The following CAMSAP1 variants were observed in gnomAD, a reference collection of about 807,000 sequenced individuals.
The protein encoded by CAMSAP1 is calmodulin-regulated spectrin-associated protein 1.
Under a neutral mutation model 143.5 loss-of-function variants are expected in CAMSAP1, and 58 were observed. The observed-to-expected ratio is 0.40, with a 90% CI of 0.33 to 0.50. CAMSAP1 has a LOEUF of 0.50. Ranked by LOEUF, CAMSAP1 falls within the 20% of genes least tolerant of loss-of-function variation. The pLI, the probability that CAMSAP1 is intolerant of heterozygous loss-of-function variation, is 0.45. For synonymous variants in CAMSAP1, 945 were observed against 859.3 expected, an observed-to-expected ratio of 1.10 and a Z score of -1.74; for missense variants, 1,969 against 2,115.7, an observed-to-expected ratio of 0.93 and a Z score of 1.36.
At position 135,818,386 on chromosome 9, in the gene CAMSAP1, CGT is replaced by C. The variant is rs1204313071; in HGVS notation, c.4168+20_4168+21del. 6.5e-7 allele frequency: 1 copy of C among 1,543,492 alleles called. No individual in the cohort carries two copies. Among genetic ancestry groups the C allele is most frequent in the African/African-American group, 1.4e-5 (1 of 73,558 alleles). ...CGCCCGCGGAAGGAAGCGCTGCCCG[CGT>C]GAGGGCCGGGGCTGCTTACGGGTGG... is the stretch of plus-strand genomic sequence containing the variant. On this transcript the variant is annotated intron_variant, in intron 13 of 16. Transcript: ENST00000389532. This position sits in a 1 kb window ranked among gnomAD's most constrained non-coding sequence, Gnocchi z 7.7.
chr9:135,817,383 CT>C (rs896068252), intron 14 of CAMSAP1, among the ~76,000 whole-genome samples: 14 of 151,108 alleles, frequency 9.3e-5, no homozygotes, highest in African/African-American at 3.2e-4. Context: ...TGGTTTTTTT[CT>C]GTTTATTTTT....
intron 1 of CAMSAP1, among the ~76,000 whole-genome samples, chr9:135,891,455 C>G (rs1418392366): frequency 1.3e-5 from 2 of 152,188 alleles, no homozygotes; most frequent in Non-Finnish European, 1.5e-5. Flanking sequence ...TTGGGCAGGC[C>G]CGGGGCCACA....
chr9:135,822,992 GGTCAGCCTGCTGGGGAACCAC>G lies in CAMSAP1; in HGVS notation c.1648_1668del (p.Val550_Asp556del). ...CGGGGTGAGGCCCTGGGGAACTCCG[GGTCAGCCTGCTGGGGAACCAC>G]GTCTGCTCTAACAATAGCCACAAGC... On this transcript the variant is annotated inframe_deletion, in exon 11 of 17. Transcript: ENST00000389532. This position sits in a 1 kb window ranked among gnomAD's most constrained non-coding sequence, Gnocchi z 6.1. The G allele has an allele frequency of 1.2e-6, 2 of 1,613,992 alleles. No individual in the cohort carries two copies. The highest frequency in any genetic ancestry group is 3.3e-5 in the Admixed American group (2 of 60,028).
chr9:135,907,000 C>G lies in CAMSAP1; in HGVS notation c.160G>C (p.Asp54His). The change falls in exon 1 of 17, where the codon GAT (aspartate) becomes CAT (histidine). Residue 54 changes from aspartate (D) to histidine (H), a missense_variant and splice_region_variant. Transcript: ENST00000389532. ...GCCCCGCGCCCCTCACCCGGCCCAC[C>G]TCGGCCGTAGGCCTTGGCGCAGATC... ...QWICAKAYGR[D>H]NIPEDLRDPF... 9.0e-7 allele frequency: 1 copy of G among 1,106,134 alleles called. No homozygotes were observed. The highest frequency in any genetic ancestry group is 1.1e-6 in the Non-Finnish European group (1 of 904,662). 68.5% of individuals were successfully genotyped at this position (1,106,134 alleles called of 1,614,324 possible). A position where few individuals can be genotyped will look rare whatever the true frequency, so the allele number is the denominator to read the frequency against.
chr9:135,906,966 C>G (rs1235606390), intron 1 of CAMSAP1, 34 bp downstream of exon 1: 1 of 1,030,976 alleles, frequency 9.7e-7, no homozygotes, highest in Non-Finnish European at 1.2e-6. Context: ...GCCCGCGCCC[C>G]TGGCCCCCGC....
At chr9:135,831,508 A>G (rs1370731150) in intron 7 of CAMSAP1, among the ~76,000 whole-genome samples, 1 of 152,034 alleles carries the variant, frequency 6.6e-6, no homozygotes, top group African/African-American at 2.4e-5. Flanking sequence ...TTCTGTAGCA[A>G]TCAACACTTC....
chr9:135,878,393 A>AG (rs58744129), intron 3 of CAMSAP1, among the ~76,000 whole-genome samples: 56,655 of 151,792 alleles, frequency 0.37, 11,903 homozygotes, highest in African/African-American at 0.58. Context: ...CCAAGGAGGG[A>AG]TTACCCAGGT....
intron 1 of CAMSAP1, 32 bp from the exon 2 acceptor site, chr9:135,883,110 C>T: frequency 1.3e-6 from 2 of 1,548,458 alleles, no homozygotes; most frequent in Non-Finnish European, 8.7e-7. Context: ...CAGGTGAGTG[C>T]CACACACAAG....
At chr9:135,836,984 ACAT>A (rs1364840881) in intron 7 of CAMSAP1, 117 of 969,136 alleles carry the variant, frequency 1.2e-4, no homozygotes, top group East Asian at 6.9e-4. Flanking sequence ...CTACAGACAC[ACAT>A]CATCACGCAC....
intron 3 of CAMSAP1, among the ~76,000 whole-genome samples, chr9:135,879,305 C>G (rs1179513062): frequency 2.0e-5 from 3 of 152,124 alleles, no homozygotes; most frequent in Non-Finnish European, 4.4e-5. Flanking sequence ...GCCAAGTCCA[C>G]AGAAACACAG....
chr9:135,830,048 G>GAT (rs1835805446), intron 7 of CAMSAP1, among the ~76,000 whole-genome samples: 1 of 151,874 alleles, frequency 6.6e-6, no homozygotes, highest in African/African-American at 2.4e-5. Flanking sequence ...GTAAGCCCTA[G>GAT]GTAATGACTA....
intron 7 of CAMSAP1, among the ~76,000 whole-genome samples, chr9:135,842,810 C>A (rs1836405031): frequency 6.6e-6 from 1 of 152,150 alleles, no homozygotes; most frequent in Non-Finnish European, 1.5e-5. Context: ...TTGTCACCAC[C>A]AGGCCTTACA....
intron 4 of CAMSAP1, chr9:135,865,273 C>A: frequency 1.3e-6 from 2 of 1,521,326 alleles, no homozygotes; most frequent in South Asian, 1.2e-5. Context: ...TTAATGGAAG[C>A]AAGTGATCGC....
At chr9:135,874,890 A>C (rs1837688334) in intron 3 of CAMSAP1, among the ~76,000 whole-genome samples, 1 of 152,218 alleles carries the variant, frequency 6.6e-6, no homozygotes, top group Non-Finnish European at 1.5e-5. Flanking sequence ...TGGAAAATGA[A>C]ATTAGGAGAA....
rs949178265 is a variant in CAMSAP1, at chr9:135,882,284, G to A, written c.424-490C>T. 6.6e-6 allele frequency among the ~76,000 whole-genome samples: 1 copy of A among 152,022 alleles called. No homozygotes were observed. The highest frequency in any genetic ancestry group is 1.5e-5 in the Non-Finnish European group (1 of 68,014). On this transcript the variant is annotated intron_variant, in intron 2 of 16. Transcript: ENST00000389532. This position sits in a 1 kb window ranked among gnomAD's most constrained non-coding sequence, Gnocchi z 4.9. ...AGGAATGACACTCTCTTCAACCACCGCACGGCACCCGCAGTCTCACCGGGA... is the reference window on the plus strand; with the variant it reads ...AGGAATGACACTCTCTTCAACCACCACACGGCACCCGCAGTCTCACCGGGA...
chr9:135,896,961 C>T (rs1838474193), intron 1 of CAMSAP1, among the ~76,000 whole-genome samples: 1 of 152,158 alleles, frequency 6.6e-6, no homozygotes, highest in Non-Finnish European at 1.5e-5. Context: ...CAGGCCCTCA[C>T]CAGACACCAA....
rs759479095 is a variant in CAMSAP1, at chr9:135,820,965, G to A, written c.3696C>T (p.Ser1232=). 2 of 1,613,302 alleles carry A rather than the reference G, an allele frequency of 1.2e-6. No individual in the cohort carries two copies. The highest frequency in any genetic ancestry group is 2.2e-5 in the South Asian group (2 of 91,034). ...GGTCGGAGAGGTCCACTTCAATGAG[G>A]CTGGCCCTGCTCCTCAGAGGCTCCT... is the stretch of plus-strand genomic sequence containing the variant. ...PVEEPLRSRA[S]LIEVDLSDLK... The change falls in exon 11 of 17, where the codon AGC becomes AGT. Residue 1232 remains serine, a synonymous_variant. Coordinates refer to ENST00000389532, the MANE Select transcript of CAMSAP1 (RefSeq NM_015447.4). This position sits in a 1 kb window ranked among gnomAD's most constrained non-coding sequence, Gnocchi z 4.4.
Position 135,850,399 on chromosome 9 carries a change from C to A in CAMSAP1, c.871G>T (p.Glu291Ter). Residue 291 changes from glutamate (E) to a stop codon, truncating the protein, a stop_gained, in exon 6 of 17, where the codon GAA (glutamate) becomes TAA (stop). Coordinates refer to ENST00000389532, the MANE Select transcript of CAMSAP1 (RefSeq NM_015447.4). LOFTEE classifies it high-confidence loss of function. ...DSLYNIRLLR[E>*]FSNEYLNKCF... ...TTATTAAGATATTCATTGGAGAATT[C>A]TCTCAGAAGCCGAATATTATACAGA... The A allele has an allele frequency of 6.2e-7, 1 of 1,612,144 alleles. No individual in the cohort carries two copies. Among genetic ancestry groups the A allele is most frequent in the Non-Finnish European group, 8.5e-7 (1 of 1,179,342 alleles).
intron 7 of CAMSAP1, among the ~76,000 whole-genome samples, chr9:135,835,088 G>A (rs534264219): frequency 6.6e-6 from 1 of 152,230 alleles, no homozygotes; most frequent in South Asian, 2.1e-4. Context: ...GCTGGCTGAG[G>A]CAAAATGTGT....
Sources: gnomAD v4.1 joint callset for allele counts (sites outside exome capture counted in the v4.1 genomes callset) on GRCh38, gnomAD v4.1.1 for gene constraint, Gnocchi (gnomAD v3.1) non-coding constraint, MANE v1.5 for transcripts, NCBI Gene and HGNC (gene_info 2026-07-23, HGNC 2026-07-21) for gene names.